The following MEI4 variants were observed in gnomAD, a reference collection of about 807,000 sequenced individuals.
MEI4 encodes the protein meiosis-specific protein MEI4.
In MEI4, 27 loss-of-function variants were observed where a neutral mutation model predicts 31.4. The ratio of observed to expected loss-of-function variants is 0.86; its 90% CI spans 0.63 to 1.19. MEI4 has a LOEUF of 1.19. Among genes scored for constraint, MEI4 ranks in the 50% most tolerant of loss-of-function variants. MEI4 has a pLI of 0.00. For missense variants in MEI4, 329 were observed against 398.9 expected, an observed-to-expected ratio of 0.82 and a Z score of 1.49; for synonymous variants, 122 against 145.4, an observed-to-expected ratio of 0.84 and a Z score of 1.16.
Position 77,686,875 on chromosome 6 carries a change from C to CTTTTTT in MEI4, c.-14-3779_-14-3774dup, listed in dbSNP as rs70974681. Among the ~76,000 whole-genome samples, 21 of 132,544 alleles carry CTTTTTT rather than the reference C, an allele frequency of 1.6e-4. 1 individual carries two copies. Among genetic ancestry groups the CTTTTTT allele is most frequent in the East Asian group, 2.4e-4 (1 of 4,206 alleles). The allele number at this position is 132,544 out of a possible 152,430, so 87.0% of individuals were successfully genotyped here. A position where few individuals can be genotyped will look rare whatever the true frequency, so the allele number is the denominator to read the frequency against. ...TCTTGAATAGGAATGGTCTGTGGCT[C>CTTTTTT]TTTTTTTTTGTAGATGTTTCATCAG... On this transcript the variant is annotated intron_variant, in intron 1 of 4. Coordinates refer to ENST00000684080, the MANE Select transcript of MEI4 (RefSeq NM_001322247.2).
chr6:77,740,154 C>T (rs994281303), intron 2 of MEI4, among the ~76,000 whole-genome samples: 2 of 152,064 alleles, frequency 1.3e-5, no homozygotes, highest in African/African-American at 2.4e-5. Flanking sequence ...ATTACACTGT[C>T]GTCTGAGAGA....
intron 3 of MEI4, among the ~76,000 whole-genome samples, chr6:77,822,256 T>C (rs1418088969): frequency 6.6e-6 from 1 of 152,154 alleles, no homozygotes; most frequent in Non-Finnish European, 1.5e-5. Context: ...ACAACCTAAT[T>C]ATTACTTAAA....
chr6:77,851,554 G>T (rs879809150), intron 4 of MEI4, among the ~76,000 whole-genome samples: 1 of 145,898 alleles, frequency 6.9e-6, no homozygotes, highest in Non-Finnish European at 1.5e-5. Context: ...AACACCGCAT[G>T]TTCTCGCTCA....
At chr6:77,878,968 C>A (rs1288838367) in intron 4 of MEI4, among the ~76,000 whole-genome samples, 1 of 152,040 alleles carries the variant, frequency 6.6e-6, no homozygotes, top group Non-Finnish European at 1.5e-5. Context: ...ACTCAGTGAC[C>A]TAAACTACTA....
intron 4 of MEI4, among the ~76,000 whole-genome samples, chr6:77,846,606 T>G (rs1291468689): frequency 6.6e-6 from 1 of 152,164 alleles, no homozygotes; most frequent in Non-Finnish European, 1.5e-5. Context: ...CTTAATAAAA[T>G]TTATCTAAAG....
chr6:77,806,857 A>G (rs532733593), intron 3 of MEI4, among the ~76,000 whole-genome samples: 1 of 152,232 alleles, frequency 6.6e-6, no homozygotes, highest in South Asian at 2.1e-4. Flanking sequence ...TTACTGGAAC[A>G]CATCTACACC....
chr6:77,882,109 G>T (rs996711899), intron 4 of MEI4, among the ~76,000 whole-genome samples: 2 of 152,134 alleles, frequency 1.3e-5, no homozygotes, highest in Non-Finnish European at 1.5e-5. Flanking sequence ...TCAATAATTT[G>T]CTGGAGTGAC....
At chr6:77,727,013 G>A (rs143251893) in intron 2 of MEI4, among the ~76,000 whole-genome samples, 2 of 152,154 alleles carry the variant, frequency 1.3e-5, no homozygotes, top group African/African-American at 4.8e-5. Context: ...AGGGAAGGGG[G>A]ACATGTGTTT....
chr6:77,838,550 C>T (rs1562007644), intron 4 of MEI4, among the ~76,000 whole-genome samples: 1 of 152,022 alleles, frequency 6.6e-6, no homozygotes, highest in Non-Finnish European at 1.5e-5. Context: ...ATAATAAAGC[C>T]ACTACAATCT....
intron 3 of MEI4, among the ~76,000 whole-genome samples, chr6:77,815,517 A>G (rs1019121745): frequency 4.6e-5 from 7 of 152,132 alleles, no homozygotes; most frequent in African/African-American, 1.7e-4. Context: ...AGATGTCAGA[A>G]GAATGATGAG....
rs989557856 is a variant in MEI4 at position 77,926,023 on chromosome 6, A to C, written c.*2677A>C. On this transcript the variant is annotated 3_prime_UTR_variant, in exon 5 of 5. Transcript: ENST00000684080. ...AACTCAGAACTTGCCCAAGTTCACA[A>C]CACCAGGAAGTGGCAGTTAGGTTTC... The C allele has an allele frequency of 1.4e-4, 22 of 151,938 alleles. No individual in the cohort carries two copies. The highest frequency in any genetic ancestry group is 5.1e-4 in the African/African-American group (21 of 41,510). The allele number at this position is 151,938 out of a possible 1,614,324, so 9.4% of individuals were successfully genotyped here. A position where few individuals can be genotyped will look rare whatever the true frequency, so the allele number is the denominator to read the frequency against.
intron 2 of MEI4, among the ~76,000 whole-genome samples, chr6:77,733,841 T>C (rs1396879795): frequency 1.3e-5 from 2 of 152,042 alleles, no homozygotes; most frequent in Non-Finnish European, 2.9e-5. Flanking sequence ...TTGTTCTTAT[T>C]GGTTTCAAAG....
intron 4 of MEI4, among the ~76,000 whole-genome samples, chr6:77,874,718 T>G (rs1771287085): frequency 6.6e-6 from 1 of 152,154 alleles, no homozygotes; most frequent in Non-Finnish European, 1.5e-5. Context: ...TTTTTGCCCA[T>G]TCAGTATGAT....
intron 4 of MEI4, among the ~76,000 whole-genome samples, chr6:77,845,135 T>C (rs33988791): frequency 6.6e-6 from 1 of 152,084 alleles, no homozygotes; most frequent in Non-Finnish European, 1.5e-5. Flanking sequence ...CTTTAAAATT[T>C]CACATTGTAC....
intron 2 of MEI4, among the ~76,000 whole-genome samples, chr6:77,697,925 A>G (rs1361931016): frequency 6.6e-6 from 1 of 152,100 alleles, no homozygotes; most frequent in African/African-American, 2.4e-5. Context: ...GTCACTCAGG[A>G]CTTGCTTTAT....
chr6:77,747,375 AG>A (rs1767640395), intron 2 of MEI4, among the ~76,000 whole-genome samples: 1 of 152,180 alleles, frequency 6.6e-6, no homozygotes, highest in Admixed American at 6.5e-5. Flanking sequence ...CAAAGAAAAT[AG>A]ATTTAATTGA....
intron 1 of MEI4, among the ~76,000 whole-genome samples, chr6:77,659,248 G>T (rs1452974222): frequency 6.6e-6 from 1 of 152,132 alleles, no homozygotes; most frequent in Non-Finnish European, 1.5e-5. Flanking sequence ...GAGGGGAACA[G>T]GGAGCTCTTC....
chr6:77,796,506 C>A (rs1192902838), intron 3 of MEI4, among the ~76,000 whole-genome samples: 2 of 152,130 alleles, frequency 1.3e-5, no homozygotes, highest in African/African-American at 4.8e-5. Flanking sequence ...TATATGAATT[C>A]AGTAAAGTTG....
At chr6:77,832,041 G>T (rs1770096110) in intron 4 of MEI4, among the ~76,000 whole-genome samples, 1 of 151,914 alleles carries the variant, frequency 6.6e-6, no homozygotes, top group Non-Finnish European at 1.5e-5. Flanking sequence ...CCCAGTATAT[G>T]TACAACTCTG....
Sources: gnomAD v4.1 joint callset for allele counts (sites outside exome capture counted in the v4.1 genomes callset) on GRCh38, gnomAD v4.1.1 for gene constraint, MANE v1.5 for transcripts, NCBI Gene and HGNC (gene_info 2026-07-23, HGNC 2026-07-21) for gene names.